The following ACVR2A variants were observed in gnomAD, a reference collection of about 807,000 sequenced individuals.
ACVR2A encodes the protein activin A receptor type 2A.
A neutral mutation model predicts 61.4 loss-of-function variants in ACVR2A; 7 were observed. The observed-to-expected ratio is 0.11, with a 90% CI of 0.06 to 0.21. The LOEUF is 0.21. Among genes scored for constraint, ACVR2A ranks in the 10% least tolerant of loss-of-function variants. The pLI is 1.00. For missense variants in ACVR2A, 322 were observed against 621.7 expected (o/e 0.52, Z 5.13); for synonymous variants, 193 against 208.3 (o/e 0.93, Z 0.63).
At chr2:147,908,908 A>G (rs1293012880) in intron 4 of ACVR2A, among the ~76,000 whole-genome samples, 1 of 152,142 alleles carries the variant, frequency 6.6e-6, no homozygotes, top group African/African-American at 2.4e-5. Flanking sequence ...CTTATAACAC[A>G]TATCATATAT....
intron 1 of ACVR2A, among the ~76,000 whole-genome samples, chr2:147,866,714 C>G (rs1685864879): frequency 6.6e-6 from 1 of 152,050 alleles, no homozygotes; most frequent in Admixed American, 6.6e-5. Flanking sequence ...CCATTTTGAG[C>G]AGAAGAGTAC....
intron 1 of ACVR2A, among the ~76,000 whole-genome samples, chr2:147,846,044 G>A (rs1685304648): frequency 6.6e-6 from 1 of 152,070 alleles, no homozygotes; most frequent in South Asian, 2.1e-4. Flanking sequence ...ATTTTATATT[G>A]GAAATTTTGA....
intron 1 of ACVR2A, among the ~76,000 whole-genome samples, chr2:147,863,422 A>C (rs563762561): frequency 6.6e-5 from 10 of 152,302 alleles, no homozygotes; most frequent in African/African-American, 2.4e-4. Flanking sequence ...TGTGAGGTTG[A>C]AAATCCAGAT....
At chr2:147,873,533 C>T (rs924983314) in intron 1 of ACVR2A, among the ~76,000 whole-genome samples, 5 of 151,782 alleles carry the variant, frequency 3.3e-5, no homozygotes, top group African/African-American at 1.2e-4. Context: ...AAGTCTAGAG[C>T]ATTTGGTGAA....
chr2:147,845,298 C>T (rs1685278840), intron 1 of ACVR2A, 91 bp downstream of exon 1: 10 of 1,183,236 alleles, frequency 8.5e-6, no homozygotes, highest in Non-Finnish European at 1.1e-5. Flanking sequence ...TCGGAGAGTC[C>T]AGTGGAGCCT....
At chr2:147,883,316 G>A (rs994545237) in intron 1 of ACVR2A, among the ~76,000 whole-genome samples, 36 of 152,090 alleles carry the variant, frequency 2.4e-4, no homozygotes, top group Admixed American at 2.1e-3. Context: ...TCAGCCTCCC[G>A]AGTAGCTGGG....
intron 4 of ACVR2A, among the ~76,000 whole-genome samples, chr2:147,912,633 C>T (rs149513896): frequency 6.6e-6 from 1 of 151,750 alleles, no homozygotes; most frequent in Non-Finnish European, 1.5e-5. Flanking sequence ...AATTGAAAAT[C>T]ATTTCTACTA....
intron 1 of ACVR2A, among the ~76,000 whole-genome samples, chr2:147,877,699 ATCAG>A (rs1324884279): frequency 3.9e-5 from 6 of 152,210 alleles, no homozygotes; most frequent in Non-Finnish European, 8.8e-5. Context: ...AGTAAAACTT[ATCAG>A]TCATTGATTA....
At position 147,849,896 on chromosome 2, in the gene ACVR2A, C is replaced by T. The variant is rs893878122; in HGVS notation, c.55+4689C>T. On this transcript the variant is annotated intron_variant, in intron 1 of 10. Transcript: ENST00000241416. ...GATTTTAGTAATCTCTAAATTGTTT[C>T]TTTAGATTCCAAGACTTTATTTTGT... Among the ~76,000 whole-genome samples the T allele has an allele frequency of 2.6e-5, 4 of 152,134 alleles. No homozygotes were observed. In the South Asian group the frequency reaches 8.3e-4, roughly 32 times the overall value.
intron 1 of ACVR2A, among the ~76,000 whole-genome samples, chr2:147,855,372 G>A (rs1685546172): frequency 6.6e-6 from 1 of 152,186 alleles, no homozygotes. Context: ...GGATCATGCA[G>A]GTCTTTGATG....
chr2:147,884,971 ACT>A (rs1311907139), intron 1 of ACVR2A, among the ~76,000 whole-genome samples: 1 of 151,906 alleles, frequency 6.6e-6, no homozygotes, highest in Non-Finnish European at 1.5e-5. Flanking sequence ...CTTGTCAAAC[ACT>A]CTGGTTATTC....
chr2:147,891,851 G>A (rs1474731203), intron 1 of ACVR2A, among the ~76,000 whole-genome samples: 1 of 152,152 alleles, frequency 6.6e-6, no homozygotes, highest in African/African-American at 2.4e-5. Context: ...GTATTATTTG[G>A]TAAAGGAGGA....
At chr2:147,878,247 A>G (rs1686208055) in intron 1 of ACVR2A, among the ~76,000 whole-genome samples, 1 of 151,940 alleles carries the variant, frequency 6.6e-6, no homozygotes, top group Non-Finnish European at 1.5e-5. Context: ...TAAACGTGAA[A>G]GATTTAAATT....
rs1449320772 is a variant in ACVR2A at position 147,930,209 on chromosome 2, A to G, written c.*2935A>G. 6.6e-6 allele frequency: 1 copy of G among 152,470 alleles called. No homozygotes were observed. The highest frequency in any genetic ancestry group is 1.5e-5 in the Non-Finnish European group (1 of 67,990). The allele number at this position is 152,470 out of a possible 1,614,324, so 9.4% of individuals were successfully genotyped here. On this transcript the variant is annotated 3_prime_UTR_variant, in exon 11 of 11. Coordinates refer to ENST00000241416, the MANE Select transcript of ACVR2A (RefSeq NM_001616.5). The stretch of plus-strand genomic sequence containing the variant: ...CACCTTTGGAATTTAAAATAGAATC[A>G]TATCATGAAATTTAAAAAGAATCTC...
intron 4 of ACVR2A, chr2:147,902,981 G>C (rs1686906167): frequency 2.0e-5 from 3 of 151,890 alleles, no homozygotes; most frequent in African/African-American, 7.2e-5. Context: ...TTTGGCTAAA[G>C]GATGGTTTGT....
At chr2:147,912,261 T>C (rs2105209893) in intron 4 of ACVR2A, among the ~76,000 whole-genome samples, 1 of 152,142 alleles carries the variant, frequency 6.6e-6, no homozygotes. Flanking sequence ...CTGAAGCTGA[T>C]GTCTTCTGAT....
Position 147,848,475 on chromosome 2 carries a change from G to T in ACVR2A, c.55+3268G>T, listed in dbSNP as rs532472432. 2.6e-5 allele frequency among the ~76,000 whole-genome samples: 4 copies of T among 152,152 alleles called. No individual in the cohort carries two copies. The East Asian group carries it at 7.7e-4, about 29-fold the overall frequency. On this transcript the variant is annotated intron_variant, in intron 1 of 10. Coordinates refer to ENST00000241416, the MANE Select transcript of ACVR2A (RefSeq NM_001616.5). ...GTAGAGGGCAGGGATGCTTCTAATCGTCCTAAAATACATGGTACAGCCTTC... is the reference window on the plus strand; with the variant it reads ...GTAGAGGGCAGGGATGCTTCTAATCTTCCTAAAATACATGGTACAGCCTTC...
intron 1 of ACVR2A, among the ~76,000 whole-genome samples, chr2:147,871,279 G>T (rs1686007541): frequency 6.6e-6 from 1 of 151,750 alleles, no homozygotes; most frequent in African/African-American, 2.4e-5. Flanking sequence ...CTTTGTCAAT[G>T]TTGAGTAAAT....
chr2:147,849,197 T>A (rs1260689886), intron 1 of ACVR2A, among the ~76,000 whole-genome samples: 2 of 152,168 alleles, frequency 1.3e-5, no homozygotes, highest in Non-Finnish European at 2.9e-5. Flanking sequence ...AATGAATGAT[T>A]GGTTAAGGTA....
Sources: gnomAD v4.1 joint callset for allele counts (sites outside exome capture counted in the v4.1 genomes callset) on GRCh38, gnomAD v4.1.1 for gene constraint, MANE v1.5 for transcripts, NCBI Gene and HGNC (gene_info 2026-07-23, HGNC 2026-07-21) for gene names.